The following MTMR10 variants were observed in gnomAD, a reference collection of about 807,000 sequenced individuals.
MTMR10 encodes the protein myotubularin-related protein 10.
Under a neutral mutation model 88.1 loss-of-function variants are expected in MTMR10, and 56 were observed. The ratio of observed to expected loss-of-function variants is 0.64; its 90% confidence interval spans 0.51 to 0.79. The LOEUF is 0.79. Ranked by LOEUF, MTMR10 falls within the 30% of genes least tolerant of loss-of-function variation. The pLI is 0.00. For synonymous variants in MTMR10, 380 were observed against 340.9 expected (o/e 1.11, Z -1.26); for missense variants, 883 against 924.7 (o/e 0.95, Z 0.58).
intron 14 of MTMR10, chr15:30,943,911 G>C: frequency 1.0e-5 from 10 of 985,372 alleles, no homozygotes; most frequent in Non-Finnish European, 1.2e-5. Flanking sequence ...CCACAGCAGT[G>C]TATACACAAC....
the MTMR10 span, chr15:30,927,038 A>G: frequency 1.0e-6 from 1 of 984,676 alleles, no homozygotes; most frequent in Non-Finnish European, 1.2e-6. Context: ...CGAACCAGGC[A>G]CGGTAGCTTA....
chr15:30,924,458 G>A, the MTMR10 span, among the ~76,000 whole-genome samples: 7,797 of 152,240 alleles, frequency 0.051, 317 homozygotes, highest in Admixed American at 0.13. Context: ...CCAGCAATGC[G>A]TGAGGTTTCT....
chr15:30,981,779 T>G (rs534197983), intron 2 of MTMR10, among the ~76,000 whole-genome samples: 2 of 152,184 alleles, frequency 1.3e-5, no homozygotes, highest in Non-Finnish European at 2.9e-5. Context: ...TATGTATTAT[T>G]TGAGGCAAAA....
the MTMR10 span, chr15:30,920,433 T>C: frequency 5.5e-6 from 4 of 728,752 alleles, no homozygotes; most frequent in Non-Finnish European, 7.0e-6. Flanking sequence ...TGAAAGTATT[T>C]AGAATATACC....
chr15:30,964,846 C>T (rs1297737533), intron 6 of MTMR10, among the ~76,000 whole-genome samples: 1 of 152,132 alleles, frequency 6.6e-6, no homozygotes, highest in African/African-American at 2.4e-5. Context: ...TAATCCTATA[C>T]TGTTGGGGTT....
At chr15:30,970,753 C>A (rs1178731522) in intron 5 of MTMR10, among the ~76,000 whole-genome samples, 1 of 152,096 alleles carries the variant, frequency 6.6e-6, no homozygotes, top group Non-Finnish European at 1.5e-5. Flanking sequence ...CAAAACCCAA[C>A]ACAGCGTATT....
the MTMR10 span, among the ~76,000 whole-genome samples, chr15:30,921,785 T>C: frequency 2.0e-5 from 3 of 152,208 alleles, no homozygotes; most frequent in Non-Finnish European, 4.4e-5. Flanking sequence ...AATGTTCCTG[T>C]TGAGGTAGGG....
chr15:30,944,715 G>C (rs2063143784), intron 14 of MTMR10, among the ~76,000 whole-genome samples: 1 of 151,820 alleles, frequency 6.6e-6, no homozygotes. Context: ...TAAGTATATA[G>C]AAAATGTCCT....
chr15:30,922,975 T>C, the MTMR10 span, among the ~76,000 whole-genome samples: 1 of 152,246 alleles, frequency 6.6e-6, no homozygotes, highest in Non-Finnish European at 1.5e-5. Context: ...GCCTGTGGGC[T>C]AGGCAGCAAC....
At chr15:30,923,784 C>G in the MTMR10 span, among the ~76,000 whole-genome samples, 1 of 152,238 alleles carries the variant, frequency 6.6e-6, no homozygotes, top group African/African-American at 2.4e-5. Context: ...TGAGCCTTCA[C>G]TGATTTTCAA....
the MTMR10 span, chr15:30,927,405 C>T: frequency 2.0e-5 from 20 of 985,572 alleles, no homozygotes; most frequent in South Asian, 1.4e-4. Flanking sequence ...CTGAGTGAAC[C>T]GCTGTCCTTT....
At chr15:30,937,129 T>A, downstream of MTMR10, 1 of 1,608,980 alleles carries the variant, frequency 6.2e-7, no homozygotes. Flanking sequence ...CTGGTGGAAG[T>A]TAAAGGCCCC....
At chr15:30,925,349 A>G in the MTMR10 span, 1 of 1,496,078 alleles carries the variant, frequency 6.7e-7, no homozygotes. Context: ...GTTTTTTTGG[A>G]CCAGAAGCAT....
downstream of MTMR10, chr15:30,938,935 A>G (rs2062946818): frequency 1.3e-5 from 13 of 985,390 alleles, no homozygotes; most frequent in Non-Finnish European, 1.6e-5. Flanking sequence ...CATACTGACA[A>G]CAACAAACAG....
chr15:30,966,816 T>A (rs1028880103), intron 6 of MTMR10, among the ~76,000 whole-genome samples: 2 of 151,788 alleles, frequency 1.3e-5, no homozygotes, highest in Non-Finnish European at 2.9e-5. Context: ...TAAAAGCTGC[T>A]CTGCAAAGCA....
Position 30,941,805 on chromosome 15 carries a change from C to A in MTMR10, c.1999G>T (p.Glu667Ter). 6.2e-7 allele frequency: 1 copy of A among 1,613,974 alleles called. No individual in the cohort carries two copies. The part of the protein sequence containing the change: ...WKLCYFRWVP[E>*]AQISLGGSIT... ...GAGCCACCCAGGCTGATCTGGGCCT[C>A]GGGAACCCAGCGGAAGTAGCACAGT... The change falls in exon 16 of 16, where the codon GAG (glutamate) becomes TAG (stop). Residue 667 changes from glutamate to a stop codon, truncating the protein, a stop_gained. Transcript: ENST00000435680. LOFTEE classifies it high-confidence loss of function.
the MTMR10 span, among the ~76,000 whole-genome samples, chr15:30,923,576 C>CT: frequency 6.6e-6 from 1 of 152,170 alleles, no homozygotes; most frequent in African/African-American, 2.4e-5. Context: ...AAGGGATCGC[C>CT]TAGCTGAGTG....
chr15:30,966,776 T>C (rs2063476957), intron 6 of MTMR10, among the ~76,000 whole-genome samples: 2 of 152,002 alleles, frequency 1.3e-5, no homozygotes, highest in Admixed American at 6.6e-5. Flanking sequence ...ACTTTTGTTA[T>C]ACAATTTCTA....
At chr15:30,977,952 A>G (rs2030279256) in intron 2 of MTMR10, among the ~76,000 whole-genome samples, 1 of 152,216 alleles carries the variant, frequency 6.6e-6, no homozygotes, top group African/African-American at 2.4e-5. Flanking sequence ...CACAGTGCCA[A>G]CAGCTTGAGT....
Sources: gnomAD v4.1 joint callset for allele counts (sites outside exome capture counted in the v4.1 genomes callset) on GRCh38, gnomAD v4.1.1 for gene constraint, MANE v1.5 for transcripts, NCBI Gene and HGNC (gene_info 2026-07-23, HGNC 2026-07-21) for gene names.